The following DPPA4 variants were observed in gnomAD, a reference collection of about 807,000 sequenced individuals.
DPPA4 encodes the protein developmental pluripotency associated 4, also known as developmental pluripotency-associated protein 4.
DPPA4 carries 22 observed loss-of-function variants against 33.7 expected under a neutral mutation model. That is an observed-to-expected ratio of 0.65 (90% CI 0.47 to 0.93). DPPA4 has a LOEUF of 0.93. Among genes scored for constraint, DPPA4 ranks in the 40% least tolerant of loss-of-function variants. The probability of loss-of-function intolerance (pLI) is 0.00; values close to 1 mark genes in which losing one functional copy is unlikely to be tolerated. For synonymous variants in DPPA4, 156 were observed against 132.3 expected (o/e 1.18, Z -1.23); for missense variants, 340 against 358.6 (o/e 0.95, Z 0.42).
intron 1 of DPPA4, chr3:109,336,418 T>C (rs1708214576): frequency 6.6e-6 from 1 of 152,170 alleles, no homozygotes; most frequent in Admixed American, 6.6e-5. Flanking sequence ...GTTCAGTGCC[T>C]GTGCAACGTC....
At chr3:109,330,945 GTAACTA>G (rs968443667) in intron 4 of DPPA4, 133 bp from the exon 5 acceptor site, 1 of 870,200 alleles carries the variant, frequency 1.1e-6, no homozygotes, top group African/African-American at 1.7e-5. Context: ...GTACAAGTTG[GTAACTA>G]TACATAGTTA....
intron 5 of DPPA4, 57 bp from the exon 6 acceptor site, chr3:109,329,145 T>TA: frequency 2.0e-6 from 3 of 1,496,100 alleles, no homozygotes; most frequent in Non-Finnish European, 2.8e-6. Flanking sequence ...CATACTGATG[T>TA]AAGACTGCAT....
At chr3:109,329,720 T>C (rs1284576196) in intron 5 of DPPA4, 5 of 152,638 alleles carry the variant, frequency 3.3e-5, no homozygotes, top group Admixed American at 2.6e-4. Context: ...CTAAGCAGTT[T>C]GTCTTCTTTT....
rs374067069 is a variant in DPPA4 at position 109,329,023 on chromosome 3, G to A, written c.745C>T (p.Gln249Ter). ...ACCCAGGCTTGACCAGCATGAAACT[G>A]CAGGTGAACCCAACCATCTGTGTCT... ...PADTDGWVHL[Q>*]FHAGQAWVPE... Residue 249 changes from glutamine (Q) to a stop codon, truncating the protein, a stop_gained, in exon 6 of 7, where the codon CAG becomes TAG. Coordinates refer to ENST00000335658, the MANE Select transcript of DPPA4 (RefSeq NM_018189.4). LOFTEE classifies it high-confidence loss of function. 14 of 1,614,004 alleles carry A rather than the reference G, an allele frequency of 8.7e-6. No homozygotes were observed. Among genetic ancestry groups the A allele is most frequent in the Non-Finnish European group, 1.2e-5 (14 of 1,180,040 alleles).
chr3:109,336,148 T>TA (rs35600274), intron 1 of DPPA4, among the ~76,000 whole-genome samples: 170 of 145,162 alleles, frequency 1.2e-3, no homozygotes, highest in Middle Eastern at 6.9e-3. Context: ...TCAAACTCAT[T>TA]AAAAAAAAAA....
At chr3:109,330,354 AAT>A (rs1407906059) in intron 5 of DPPA4, 168 bp downstream of exon 5, 25 of 631,058 alleles carry the variant, frequency 4.0e-5, no homozygotes, top group Middle Eastern at 3.7e-4. Context: ...AAGAAATGCA[AAT>A]AAATGCTCAG....
intron 4 of DPPA4, among the ~76,000 whole-genome samples, chr3:109,331,431 C>A (rs1305330421): frequency 6.7e-6 from 1 of 150,104 alleles, no homozygotes; most frequent in East Asian, 2.0e-4. Flanking sequence ...GTAATCCGAG[C>A]TACTCTGGAG....
upstream of DPPA4, among the ~76,000 whole-genome samples, chr3:109,338,596 T>G (rs1254713027): frequency 6.6e-6 from 1 of 152,158 alleles, no homozygotes; most frequent in Non-Finnish European, 1.5e-5. Context: ...AGAGACTGTC[T>G]TTATCCAAAT....
chr3:109,337,488 A>T lies in DPPA4; in HGVS notation c.30T>A (p.Ser10Arg). ...CCTCCTTGCCTTTTGCCTTCTCCAT[A>T]CTTGTAGAAGAAGCGGAGCCTCGCA... MLRGSASST[S>R]MEKAKGKEWT... The change falls in exon 1 of 7, where the codon AGT (serine) becomes AGA (arginine). Residue 10 changes from serine to arginine, a missense_variant. Physicochemically the swap from Ser to Arg is moderately radical, Grantham distance 110. Around this residue, in one of 3 missense-constraint regions of DPPA4, gnomAD observed 96 missense variants for 91.8 expected, o/e 1.05. Coordinates refer to ENST00000335658, the MANE Select transcript of DPPA4 (RefSeq NM_018189.4). 6.2e-7 allele frequency: 1 copy of T among 1,614,044 alleles called. No homozygotes were observed. Among genetic ancestry groups the T allele is most frequent in the South Asian group, 1.1e-5 (1 of 91,080 alleles).
upstream of DPPA4, chr3:109,337,648 T>C: frequency 1.3e-6 from 1 of 759,208 alleles, no homozygotes. Flanking sequence ...TCCCCCACAA[T>C]TTGTAAATGC....
At chr3:109,336,945 GCT>G (rs900164330) in intron 1 of DPPA4, among the ~76,000 whole-genome samples, 34 of 152,194 alleles carry the variant, frequency 2.2e-4, no homozygotes, top group Non-Finnish European at 1.6e-4. Context: ...GGTTGCCCAA[GCT>G]GGGGGTGCAA....
At position 109,329,066 on chromosome 3, in the gene DPPA4, A is replaced by G. The variant is rs1025690184; in HGVS notation, c.702T>C (p.His234=). 4.3e-6 allele frequency: 7 copies of G among 1,613,984 alleles called. No individual in the cohort carries two copies. In the African/African-American group the frequency reaches 5.3e-5, roughly 12 times the overall value. The change falls in exon 6 of 7, where the codon CAT becomes CAC. Residue 234 remains histidine, a synonymous_variant. Coordinates refer to ENST00000335658, the MANE Select transcript of DPPA4 (RefSeq NM_018189.4). Reference sequence around the variant, plus strand: ...CTGTGTCTGCAGGGAGACTTTTCCCATGGACCACACACCACCTGACACCTG... The same window carrying G: ...CTGTGTCTGCAGGGAGACTTTTCCCGTGGACCACACACCACCTGACACCTG... ...EASGVRWCVV[H]GKSLPADTDG...
At chr3:109,336,126 T>C (rs1314624664) in intron 1 of DPPA4, among the ~76,000 whole-genome samples, 1 of 151,674 alleles carries the variant, frequency 6.6e-6, no homozygotes, top group Non-Finnish European at 1.5e-5. Flanking sequence ...CACACCACTC[T>C]GGGCGACAGA....
chr3:109,326,772 T>C lies in DPPA4; in HGVS notation c.*1216A>G, dbSNP rs1707944227. 1 of 152,204 alleles carries C rather than the reference T, an allele frequency of 6.6e-6. No individual in the cohort carries two copies. The highest frequency in any genetic ancestry group is 6.6e-5 in the Admixed American group (1 of 15,264). 9.4% of individuals were successfully genotyped at this position (152,204 alleles called of 1,614,324 possible). A position where few individuals can be genotyped will look rare whatever the true frequency, so the allele number is the denominator to read the frequency against. On this transcript the variant is annotated 3_prime_UTR_variant, in exon 7 of 7. Transcript: ENST00000335658. ...TGTGCAGCTTTTTGTATGTGAATCA[T>C]ACCTAAGTAGTTTTAAAAACAAATG...
chr3:109,335,180 T>C (rs988347112), intron 1 of DPPA4, among the ~76,000 whole-genome samples: 1 of 152,198 alleles, frequency 6.6e-6, no homozygotes, highest in African/African-American at 2.4e-5. Context: ...AAAGAAAAGG[T>C]CTTGCCCTGT....
intron 6 of DPPA4, 135 bp downstream of exon 6, chr3:109,328,755 T>C: frequency 1.2e-6 from 1 of 816,364 alleles, no homozygotes; most frequent in Non-Finnish European, 1.9e-6. Context: ...AACTGAGTAA[T>C]AATTTTCTTG....
In DPPA4 at chr3:109,328,868, T is replaced by C. The variant is rs775805920; in HGVS notation, c.878+22A>G. 1.9e-6 allele frequency: 3 copies of C among 1,596,016 alleles called. No individual in the cohort carries two copies. In the East Asian group the frequency reaches 6.7e-5, roughly 36 times the overall value. On this transcript the variant is annotated intron_variant, in intron 6 of 6. Coordinates refer to ENST00000335658, the MANE Select transcript of DPPA4 (RefSeq NM_018189.4). ...AAATCCGGCACCCACTTTTAGTTTGTAGAAAAGCATCAGGTAATTACCTGT... is the reference window on the plus strand; with the variant it reads ...AAATCCGGCACCCACTTTTAGTTTGCAGAAAAGCATCAGGTAATTACCTGT...
chr3:109,339,405 G>A (rs1708270874), upstream of DPPA4, among the ~76,000 whole-genome samples: 1 of 152,108 alleles, frequency 6.6e-6, no homozygotes, highest in Admixed American at 6.5e-5. Context: ...CCTTTACTTA[G>A]AGGGTTGTGG....
rs763354220 is a variant in DPPA4 at position 109,337,541 on chromosome 3, A to C, written c.-24T>G. ...ATGCTTCCAAAATGGCCCCTGCCCCAAGATTGCTATTTGCAAAGTCTCCTC... is the reference window on the plus strand; with the variant it reads ...ATGCTTCCAAAATGGCCCCTGCCCCCAGATTGCTATTTGCAAAGTCTCCTC... On this transcript the variant is annotated 5_prime_UTR_variant, in exon 1 of 7. Transcript: ENST00000335658. The C allele has an allele frequency of 1.9e-5, 30 of 1,613,450 alleles. No homozygotes were observed. The highest frequency in any genetic ancestry group is 1.1e-5 in the South Asian group (1 of 91,082).
Sources: allele counts gnomAD v4.1 joint callset (sites outside exome capture counted in the v4.1 genomes callset), GRCh38; gene constraint gnomAD v4.1.1; regional missense constraint gnomAD v4.1.1; transcripts MANE v1.5; gene names NCBI Gene and HGNC (gene_info 2026-07-23, HGNC 2026-07-21).